The following MCMDC2 variants were observed in gnomAD, a reference collection of about 807,000 sequenced individuals.
MCMDC2 encodes minichromosome maintenance domain-containing protein 2.
Under a neutral mutation model 75.8 loss-of-function variants are expected in MCMDC2, and 54 were observed. That is an observed-to-expected ratio of 0.71 (90% CI 0.57 to 0.89). The LOEUF is 0.89. Among genes scored for constraint, MCMDC2 ranks in the 40% least tolerant of loss-of-function variants. MCMDC2 has a pLI of 0.00. For missense variants in MCMDC2, 656 were observed against 780.4 expected (o/e 0.84, Z 1.90); for synonymous variants, 249 against 274.6 (o/e 0.91, Z 0.92).
At chr8:66,922,863 C>A (rs1376992086), downstream of MCMDC2, 2 of 195,078 alleles carry the variant, frequency 1.0e-5, no homozygotes, top group African/African-American at 2.4e-5. Flanking sequence ...GACTCCCAAA[C>A]CACTTTTTAA....
chr8:66,881,814 C>T (rs964260546), intron 8 of MCMDC2, among the ~76,000 whole-genome samples: 1 of 152,236 alleles, frequency 6.6e-6, no homozygotes, highest in African/African-American at 2.4e-5. Context: ...ACAACTCCAA[C>T]ATGCGTTAGC....
At chr8:66,904,765 A>G (rs1338635336) in intron 13 of MCMDC2, among the ~76,000 whole-genome samples, 1 of 152,194 alleles carries the variant, frequency 6.6e-6, no homozygotes, top group Non-Finnish European at 1.5e-5. Context: ...TGAATAGCCC[A>G]GGATGTTGTA....
chr8:66,880,883 A>G lies in MCMDC2; in HGVS notation c.744A>G (p.Glu248=). Residue 248 remains glutamate (E), a synonymous_variant, in exon 8 of 15, where the codon GAA becomes GAG. Transcript: ENST00000422365. ...ESVNKMNIGN[E]YKIIGIPTCV... is the part of the protein sequence containing the mutation. Reference sequence around the variant, plus strand: ...TGAATAAAATGAATATAGGAAATGAATATAAAATTATTGGAATTCCAACCT... The same window carrying G: ...TGAATAAAATGAATATAGGAAATGAGTATAAAATTATTGGAATTCCAACCT... 6.4e-7 allele frequency: 1 copy of G among 1,564,010 alleles called. No homozygotes were observed. The highest frequency in any genetic ancestry group is 8.7e-7 in the Non-Finnish European group (1 of 1,155,154).
At chr8:66,898,624 C>CAAAA (rs1405645692) in intron 12 of MCMDC2, among the ~76,000 whole-genome samples, 2 of 58,622 alleles carry the variant, frequency 3.4e-5, no homozygotes, top group African/African-American at 9.9e-5. Flanking sequence ...AACTCCGTCT[C>CAAAA]AAAAAAAAAA....
At chr8:66,910,820 A>G (rs910932804) in intron 14 of MCMDC2, among the ~76,000 whole-genome samples, 1 of 152,158 alleles carries the variant, frequency 6.6e-6, no homozygotes, top group African/African-American at 2.4e-5. Context: ...AAAAAAAAAA[A>G]AAAATTACTG....
At chr8:66,885,439 CAT>C (rs1224964684) in intron 9 of MCMDC2, among the ~76,000 whole-genome samples, 2 of 151,600 alleles carry the variant, frequency 1.3e-5, no homozygotes, top group Non-Finnish European at 2.9e-5. Flanking sequence ...ACTTATTAAA[CAT>C]GTATTATTTT....
At chr8:66,924,573 T>C (rs113907933), downstream of MCMDC2, among the ~76,000 whole-genome samples, 4,921 of 151,144 alleles carry the variant, frequency 0.033, 284 homozygotes, top group African/African-American at 0.11. Context: ...AGGTGGAGGA[T>C]TCAGTGAGCC....
At chr8:66,907,069 AT>A (rs931778451) in intron 14 of MCMDC2, among the ~76,000 whole-genome samples, 8 of 147,330 alleles carry the variant, frequency 5.4e-5, no homozygotes, top group South Asian at 2.2e-4. Context: ...TGTCCCACCT[AT>A]TTTTTTTTTC....
intron 9 of MCMDC2, among the ~76,000 whole-genome samples, chr8:66,887,824 T>C (rs1811915538): frequency 6.6e-6 from 1 of 152,172 alleles, no homozygotes; most frequent in South Asian, 2.1e-4. Flanking sequence ...CCTTTCCCCA[T>C]TAAATTGTTT....
chr8:66,889,247 G>A (rs1811985767), intron 9 of MCMDC2, among the ~76,000 whole-genome samples: 1 of 152,172 alleles, frequency 6.6e-6, no homozygotes. Context: ...CTAAGCTAAG[G>A]TAATCATATT....
At chr8:66,895,810 G>T (rs1812326688) in intron 10 of MCMDC2, among the ~76,000 whole-genome samples, 2 of 151,994 alleles carry the variant, frequency 1.3e-5, no homozygotes, top group Admixed American at 1.3e-4. Context: ...CACATGGATG[G>T]CCTGCTTTCT....
At chr8:66,877,572 A>T in intron 5 of MCMDC2, 28 bp downstream of exon 5, 6 of 1,540,334 alleles carry the variant, frequency 3.9e-6, no homozygotes, top group Non-Finnish European at 5.3e-6. Context: ...AAATCAAAGC[A>T]TTAAGCAATT....
At chr8:66,915,788 G>A (rs1343431568) in intron 14 of MCMDC2, among the ~76,000 whole-genome samples, 1 of 152,100 alleles carries the variant, frequency 6.6e-6, no homozygotes, top group South Asian at 2.1e-4. Flanking sequence ...GGGAACCCCA[G>A]GACTGCCCTT....
At position 66,896,161 on chromosome 8, in the gene MCMDC2, C is replaced by T; in HGVS notation, c.1280-9C>T. ...TTAAATAACAAATGGATAATGTCTT[C>T]TGACTTAGTTCTGGAGAGCAGAAGC... On this transcript the variant is annotated splice_polypyrimidine_tract_variant and intron_variant, in intron 10 of 14. Transcript: ENST00000422365. 1 of 1,597,856 alleles carries T rather than the reference C, an allele frequency of 6.3e-7. No individual in the cohort carries two copies. Among genetic ancestry groups the T allele is most frequent in the Non-Finnish European group, 8.5e-7 (1 of 1,176,628 alleles).
chr8:66,900,756 A>G (rs1053656446), intron 12 of MCMDC2, among the ~76,000 whole-genome samples: 4 of 152,232 alleles, frequency 2.6e-5, no homozygotes, highest in African/African-American at 9.6e-5. Flanking sequence ...CCTTCAAAGC[A>G]GTTAACACAA....
At chr8:66,904,251 G>C (rs1029465366) in intron 13 of MCMDC2, among the ~76,000 whole-genome samples, 2 of 152,080 alleles carry the variant, frequency 1.3e-5, no homozygotes, top group African/African-American at 4.8e-5. Context: ...ATCATGGTAA[G>C]GAGCTGAAAA....
At chr8:66,902,624 G>A (rs1012209890) in intron 13 of MCMDC2, among the ~76,000 whole-genome samples, 3 of 147,006 alleles carry the variant, frequency 2.0e-5, no homozygotes, top group African/African-American at 7.6e-5. Context: ...AACCCCAGAG[G>A]CGGAGGTTGC....
rs1425262279 is a variant in MCMDC2 at position 66,883,880 on chromosome 8, A to G, written c.959A>G (p.Asn320Ser). Reference sequence around the variant, plus strand: ...CAAATTACCCCTCCTGGGACTTACAATTTGCTCAAGCTCTGTTTGTTGATG... The same window carrying G: ...CAAATTACCCCTCCTGGGACTTACAGTTTGCTCAAGCTCTGTTTGTTGATG... ...ASQITPPGTY[N>S]LLKLCLLMSL... is the part of the protein sequence containing the mutation. Residue 320 changes from asparagine (N) to serine (S), a missense_variant, in exon 9 of 15, where the codon AAT becomes AGT. By Grantham distance (46) the Asn-to-Ser change is conservative. Coordinates refer to ENST00000422365, the MANE Select transcript of MCMDC2 (RefSeq NM_173518.5). 1.2e-5 allele frequency: 20 copies of G among 1,613,844 alleles called. No homozygotes were observed. Among genetic ancestry groups the G allele is most frequent in the East Asian group, 2.2e-5 (1 of 44,874 alleles).
chr8:66,915,339 C>G (rs1813270508), intron 14 of MCMDC2, among the ~76,000 whole-genome samples: 1 of 151,722 alleles, frequency 6.6e-6, no homozygotes, highest in African/African-American at 2.4e-5. Flanking sequence ...GTAATCCCAA[C>G]TACTCGGGAG....
Sources: allele counts gnomAD v4.1 joint callset (sites outside exome capture counted in the v4.1 genomes callset), GRCh38; gene constraint gnomAD v4.1.1; transcripts MANE v1.5; gene names NCBI Gene and HGNC (gene_info 2026-07-23, HGNC 2026-07-21).